The following TBC1D22A variants were observed in gnomAD, a reference collection of about 807,000 sequenced individuals.
TBC1D22A encodes TBC1 domain family member 22A.
A neutral mutation model predicts 60.2 loss-of-function variants in TBC1D22A; 38 were observed. The observed-to-expected ratio is 0.63, with a 90% confidence interval of 0.49 to 0.83. The LOEUF (loss-of-function observed/expected upper bound fraction) is 0.83. Among genes scored for constraint, TBC1D22A ranks in the 40% least tolerant of loss-of-function variants. The pLI is 0.00. For synonymous variants in TBC1D22A, 302 were observed against 281.7 expected, an observed-to-expected ratio of 1.07 and a Z score of -0.72; for missense variants, 628 against 701.0, an observed-to-expected ratio of 0.90 and a Z score of 1.18.
intron 7 of TBC1D22A, among the ~76,000 whole-genome samples, chr22:46,900,127 A>G (rs73470885): frequency 0.015 from 2,298 of 149,870 alleles, 66 homozygotes; most frequent in African/African-American, 0.054. Context: ...TAGGTTTATA[A>G]TTGGATGTTT....
chr22:47,056,747 G>A (rs1056382056), intron 11 of TBC1D22A, among the ~76,000 whole-genome samples: 2 of 152,206 alleles, frequency 1.3e-5, no homozygotes, highest in African/African-American at 4.8e-5. Flanking sequence ...GACCTTAGCA[G>A]ACCAGCAGGA....
At chr22:46,769,356 G>A (rs545712346) in intron 1 of TBC1D22A, among the ~76,000 whole-genome samples, 32 of 152,328 alleles carry the variant, frequency 2.1e-4, no homozygotes, top group African/African-American at 7.2e-4. Context: ...AAACGTTTAC[G>A]AGCTCCTCTC....
chr22:46,933,158 A>G (rs1053024717), intron 8 of TBC1D22A, among the ~76,000 whole-genome samples: 4 of 152,076 alleles, frequency 2.6e-5, no homozygotes. Flanking sequence ...TCTGCCTTCC[A>G]TTCCTATCTT....
rs80150781 is a variant in TBC1D22A at position 47,126,990 on chromosome 22, G to A, written c.1425+15387G>A. Among the ~76,000 whole-genome samples, 420 of 152,306 alleles carry A rather than the reference G, an allele frequency of 2.8e-3. 2 individuals carry two copies. Among genetic ancestry groups the A allele is most frequent in the African/African-American group, 9.7e-3 (404 of 41,566 alleles). On this transcript the variant is annotated intron_variant, in intron 12 of 12. Transcript: ENST00000337137. Reference sequence around the variant, plus strand: ...ACCGATTTTTCACACGCATAGGCACGGGTGCACACAATACACGCAATATCC... The same window carrying A: ...ACCGATTTTTCACACGCATAGGCACAGGTGCACACAATACACGCAATATCC...
At chr22:47,048,296 C>T (rs112008924) in intron 11 of TBC1D22A, among the ~76,000 whole-genome samples, 11,310 of 152,184 alleles carry the variant, frequency 0.074, 843 homozygotes, top group African/African-American at 0.19. Flanking sequence ...TCAGCCCAAG[C>T]CCAGGGTCAC....
chr22:46,778,139 C>T (rs994653451), intron 1 of TBC1D22A, among the ~76,000 whole-genome samples: 4 of 151,428 alleles, frequency 2.6e-5, no homozygotes, highest in Non-Finnish European at 4.4e-5. Context: ...CGGGACTGGA[C>T]GGTGCCCTTG....
intron 10 of TBC1D22A, among the ~76,000 whole-genome samples, chr22:47,006,596 G>A (rs1251732398): frequency 2.0e-5 from 3 of 152,186 alleles, no homozygotes; most frequent in African/African-American, 4.8e-5. Context: ...TGGTGGCCCC[G>A]TTGATCTGAC....
chr22:46,974,764 A>G (rs891610026), intron 9 of TBC1D22A, among the ~76,000 whole-genome samples: 7 of 152,292 alleles, frequency 4.6e-5, no homozygotes, highest in African/African-American at 1.7e-4. Flanking sequence ...AGGGCCTCAG[A>G]TCGGGGGCCA....
chr22:46,999,233 T>C (rs1403913972), intron 10 of TBC1D22A, among the ~76,000 whole-genome samples: 1 of 152,216 alleles, frequency 6.6e-6, no homozygotes, highest in Non-Finnish European at 1.5e-5. Context: ...CGCTGGATGA[T>C]TGTTTAAGAG....
At chr22:46,827,246 G>A (rs16995756) in intron 4 of TBC1D22A, among the ~76,000 whole-genome samples, 6,580 of 152,252 alleles carry the variant, frequency 0.043, 362 homozygotes, top group African/African-American at 0.13. Context: ...TGCTCTGCCC[G>A]CCGTCACCAC....
intron 4 of TBC1D22A, among the ~76,000 whole-genome samples, chr22:46,848,390 G>A (rs2087116549): frequency 6.6e-6 from 1 of 152,206 alleles, no homozygotes; most frequent in Non-Finnish European, 1.5e-5. Context: ...GTGATTCTAG[G>A]CTCATGAACT....
intron 12 of TBC1D22A, among the ~76,000 whole-genome samples, chr22:47,139,892 G>A (rs573811652): frequency 1.3e-5 from 2 of 152,340 alleles, no homozygotes; most frequent in African/African-American, 2.4e-5. Flanking sequence ...GACCTGTTGC[G>A]AAGTCCACAT....
chr22:47,007,747 C>T (rs777582468), intron 10 of TBC1D22A, among the ~76,000 whole-genome samples: 1 of 152,088 alleles, frequency 6.6e-6, no homozygotes, highest in South Asian at 2.1e-4. Flanking sequence ...GAGCTCTCTG[C>T]CATCTCTTAT....
chr22:47,065,394 G>A (rs1214911734), intron 11 of TBC1D22A, among the ~76,000 whole-genome samples: 1 of 152,178 alleles, frequency 6.6e-6, no homozygotes, highest in East Asian at 1.9e-4. Flanking sequence ...GAAGTTCCGA[G>A]AGTTCAGTCT....
At chr22:46,926,536 G>A (rs1254476456) in intron 8 of TBC1D22A, among the ~76,000 whole-genome samples, 1 of 152,184 alleles carries the variant, frequency 6.6e-6, no homozygotes, top group Non-Finnish European at 1.5e-5. Context: ...GGGCTGTGGT[G>A]CCCTGTTGTT....
chr22:46,962,843 C>T lies in TBC1D22A; in HGVS notation c.1016-11447C>T, dbSNP rs563224350. On this transcript the variant is annotated intron_variant, in intron 8 of 12. Coordinates refer to ENST00000337137, the MANE Select transcript of TBC1D22A (RefSeq NM_014346.5). ...GATATCCTGGCTGTGTTTTACATAA[C>T]GTATCTGTGGCTAATTTCCCTCTTT... 3.3e-4 allele frequency among the ~76,000 whole-genome samples: 50 copies of T among 152,258 alleles called. 1 individual carries two copies. Among genetic ancestry groups the T allele is most frequent in the Admixed American group, 2.5e-3 (39 of 15,298 alleles).
chr22:47,082,402 A>G (rs1253332208), intron 11 of TBC1D22A, among the ~76,000 whole-genome samples: 1 of 121,198 alleles, frequency 8.3e-6, no homozygotes, highest in African/African-American at 3.1e-5. Flanking sequence ...CATTGACATA[A>G]GGATAGATAA....
At chr22:47,136,371 T>C (rs4823469) in intron 12 of TBC1D22A, among the ~76,000 whole-genome samples, 111,218 of 152,214 alleles carry the variant, frequency 0.73, 40,995 homozygotes, top group East Asian at 0.97. Context: ...TGGCTACCAC[T>C]GACCTGGGTG....
At position 47,021,487 on chromosome 22, in the gene TBC1D22A, CTCACCTG is replaced by C. The variant is rs1328259945; in HGVS notation, c.1202-15569_1202-15563del. On this transcript the variant is annotated intron_variant, in intron 10 of 12. Transcript: ENST00000337137. ...CCCTGAGCAGGGAACCTAGCAGAAC[CTCACCTG>C]TCACCTGTCACCTGAGCAGGGAACC... 2.0e-5 allele frequency among the ~76,000 whole-genome samples: 3 copies of C among 151,478 alleles called. No individual in the cohort carries two copies. The East Asian group carries it at 5.9e-4, about 30-fold the overall frequency.
Sources: allele counts gnomAD v4.1 joint callset (sites outside exome capture counted in the v4.1 genomes callset), GRCh38; gene constraint gnomAD v4.1.1; transcripts MANE v1.5; gene names NCBI Gene and HGNC (gene_info 2026-07-23, HGNC 2026-07-21).